The following SLC1A4 variants were observed in gnomAD, a reference collection of about 807,000 sequenced individuals.
The protein encoded by SLC1A4 is neutral amino acid transporter A.
SLC1A4 carries 19 observed loss-of-function variants against 37.7 expected under a neutral mutation model. That is an observed-to-expected ratio of 0.50 (90% CI 0.35 to 0.74). SLC1A4 has a LOEUF of 0.74. Among genes scored for constraint, SLC1A4 ranks in the 30% least tolerant of loss-of-function variants. The probability of loss-of-function intolerance (pLI) is 0.01; values close to 1 mark genes in which losing one functional copy is unlikely to be tolerated. For missense variants in SLC1A4, 570 were observed against 712.9 expected, an observed-to-expected ratio of 0.80 and a Z score of 2.28; for synonymous variants, 299 against 309.8, an observed-to-expected ratio of 0.97 and a Z score of 0.37.
In SLC1A4 at chr2:64,989,564, C is replaced by G. The variant is rs889074255; in HGVS notation, c.-80C>G. 2.3e-6 allele frequency: 3 copies of G among 1,289,478 alleles called. No homozygotes were observed. Among genetic ancestry groups the G allele is most frequent in the Non-Finnish European group, 3.0e-6 (3 of 994,986 alleles). The allele number at this position is 1,289,478 out of a possible 1,614,324, so 79.9% of individuals were successfully genotyped here. A position where few individuals can be genotyped will look rare whatever the true frequency, so the allele number is the denominator to read the frequency against. ...AACCTGCGGAGCACAACTGGCCGAC[C>G]GACCCATTCATTGGGAACCCCGTCT... On this transcript the variant is annotated 5_prime_UTR_variant, in exon 1 of 8. Coordinates refer to ENST00000234256, the MANE Select transcript of SLC1A4 (RefSeq NM_003038.5).
intron 7 of SLC1A4, among the ~76,000 whole-genome samples, chr2:65,019,930 G>A (rs531218506): frequency 2.0e-5 from 3 of 152,338 alleles, no homozygotes; most frequent in South Asian, 2.1e-4. Context: ...ACAGCAGGAC[G>A]GCACTCTGCA....
chr2:65,018,782 C>A lies in SLC1A4; in HGVS notation c.1364+103C>A. ...CATGCAGAGAAACTTCAGACACACT[C>A]CAGCCTTGTGAAGGAGGCTACAGTG... On this transcript the variant is annotated intron_variant, in intron 7 of 7. Transcript: ENST00000234256. This position sits in a 1 kb window ranked among gnomAD's most constrained non-coding sequence, Gnocchi z 4.3. The A allele has an allele frequency of 1.5e-6, 2 of 1,377,848 alleles. No homozygotes were observed. Among genetic ancestry groups the A allele is most frequent in the Non-Finnish European group, 2.0e-6 (2 of 1,002,894 alleles). 85.4% of individuals were successfully genotyped at this position (1,377,848 alleles called of 1,614,324 possible). A position where few individuals can be genotyped will look rare whatever the true frequency, so the allele number is the denominator to read the frequency against.
chr2:64,997,516 T>C (rs2103639191), intron 1 of SLC1A4, among the ~76,000 whole-genome samples: 1 of 152,312 alleles, frequency 6.6e-6, no homozygotes, highest in Middle Eastern at 3.4e-3. Flanking sequence ...TTTTTATCAC[T>C]ATAAATTAGT....
intron 5 of SLC1A4, among the ~76,000 whole-genome samples, chr2:65,017,849 T>C (rs1674219051): frequency 6.6e-6 from 1 of 152,176 alleles, no homozygotes; most frequent in Admixed American, 6.5e-5. Context: ...AATGACAGAA[T>C]AGGTAAATGA....
intron 4 of SLC1A4, among the ~76,000 whole-genome samples, chr2:65,014,462 G>A (rs978442663): frequency 2.6e-5 from 4 of 152,138 alleles, no homozygotes; most frequent in Non-Finnish European, 4.4e-5. Flanking sequence ...TGACATTTTG[G>A]GCTGATCAGT....
chr2:64,992,047 T>C (rs2268483), intron 1 of SLC1A4, among the ~76,000 whole-genome samples: 22,698 of 152,178 alleles, frequency 0.15, 1,699 homozygotes, highest in East Asian at 0.22. Flanking sequence ...TTTAGGTGAG[T>C]GCTGAAAAGA....
chr2:65,007,551 C>A (rs144982502), intron 3 of SLC1A4, among the ~76,000 whole-genome samples: 2 of 152,272 alleles, frequency 1.3e-5, no homozygotes, highest in African/African-American at 4.8e-5. Flanking sequence ...GAAAGGGAGT[C>A]ATTTCATTGG....
At chr2:65,015,828 C>T (rs550003730) in intron 4 of SLC1A4, among the ~76,000 whole-genome samples, 65 of 152,336 alleles carry the variant, frequency 4.3e-4, no homozygotes, top group African/African-American at 1.5e-3. Context: ...TTCAAAACAA[C>T]TGACTTTTGT....
Position 65,022,985 on chromosome 2 carries a change from G to A in SLC1A4, c.*1839G>A, listed in dbSNP as rs562756456. ...AGCCACACCCCCTTCTTAAAACTGG[G>A]GACATGAGCCTGAGCAGAAAGGGTG... On this transcript the variant is annotated 3_prime_UTR_variant, in exon 8 of 8. Coordinates refer to ENST00000234256, the MANE Select transcript of SLC1A4 (RefSeq NM_003038.5). The A allele has an allele frequency of 6.6e-6, 1 of 152,376 alleles. No homozygotes were observed. Among genetic ancestry groups the A allele is most frequent in the African/African-American group, 2.4e-5 (1 of 41,544 alleles). The allele number at this position is 152,376 out of a possible 1,614,324, so 9.4% of individuals were successfully genotyped here.
intron 4 of SLC1A4, among the ~76,000 whole-genome samples, chr2:65,015,213 T>C (rs1253900142): frequency 6.6e-6 from 1 of 152,150 alleles, no homozygotes; most frequent in African/African-American, 2.4e-5. Flanking sequence ...ATTTCAAAGT[T>C]TGGGATGATG....
chr2:64,991,793 G>T (rs1231493334), intron 1 of SLC1A4, among the ~76,000 whole-genome samples: 4 of 152,114 alleles, frequency 2.6e-5, no homozygotes, highest in Admixed American at 2.6e-4. Context: ...AGTAGAGACG[G>T]GGTTTCACCA....
chr2:65,018,001 T>G lies in SLC1A4; in HGVS notation c.1035-70T>G. Reference sequence around the variant, plus strand: ...GTGCTAATTGCTCTGTTCTGGGGTCTGAGACAAGACACATGTTAGCCTGCC... The same window carrying G: ...GTGCTAATTGCTCTGTTCTGGGGTCGGAGACAAGACACATGTTAGCCTGCC... On this transcript the variant is annotated intron_variant, in intron 5 of 7. Transcript: ENST00000234256. This position sits in a 1 kb window ranked among gnomAD's most constrained non-coding sequence, Gnocchi z 4.3. 1.4e-6 allele frequency: 2 copies of G among 1,395,306 alleles called. No individual in the cohort carries two copies. Among genetic ancestry groups the G allele is most frequent in the Non-Finnish European group, 2.0e-6 (2 of 996,148 alleles). The allele number at this position is 1,395,306 out of a possible 1,614,324, so 86.4% of individuals were successfully genotyped here. A position where few individuals can be genotyped will look rare whatever the true frequency, so the allele number is the denominator to read the frequency against.
intron 4 of SLC1A4, among the ~76,000 whole-genome samples, chr2:65,012,372 A>C (rs1244334709): frequency 6.6e-6 from 1 of 152,174 alleles, no homozygotes; most frequent in East Asian, 1.9e-4. Context: ...TACAGGCATG[A>C]GCCACCGCGC....
At position 65,018,402 on chromosome 2, in the gene SLC1A4, G is replaced by A. The variant is rs187946812; in HGVS notation, c.1229+137G>A. The A allele has an allele frequency of 7.2e-7, 1 of 1,384,066 alleles. No individual in the cohort carries two copies. Among genetic ancestry groups the A allele is most frequent in the South Asian group, 1.3e-5 (1 of 74,430 alleles). 85.7% of individuals were successfully genotyped at this position (1,384,066 alleles called of 1,614,324 possible). A position where few individuals can be genotyped will look rare whatever the true frequency, so the allele number is the denominator to read the frequency against. ...GGGATTCATTACTTGAAGAGCGTGT[G>A]TTGACTCTCAAGGGCGTAGCCAGCA... is the stretch of plus-strand genomic sequence containing the variant. On this transcript the variant is annotated intron_variant, in intron 6 of 7. Transcript: ENST00000234256. This position sits in a 1 kb window ranked among gnomAD's most constrained non-coding sequence, Gnocchi z 4.3.
chr2:65,002,858 G>A (rs938128956), intron 2 of SLC1A4, among the ~76,000 whole-genome samples: 2 of 152,270 alleles, frequency 1.3e-5, no homozygotes, highest in East Asian at 1.9e-4. Context: ...TTACAGGCGT[G>A]AGCCACTGTG....
chr2:65,011,030 C>T (rs978340830), intron 4 of SLC1A4, among the ~76,000 whole-genome samples: 2 of 152,286 alleles, frequency 1.3e-5, no homozygotes, highest in Non-Finnish European at 1.5e-5. Context: ...TTTCCATCAC[C>T]GGGATCTGTT....
At chr2:65,003,445 C>G (rs1673554523) in intron 2 of SLC1A4, among the ~76,000 whole-genome samples, 1 of 152,182 alleles carries the variant, frequency 6.6e-6, no homozygotes, top group Admixed American at 6.5e-5. Context: ...GCCTCACATC[C>G]CTGGCTTTCA....
chr2:65,005,688 C>A lies in SLC1A4; in HGVS notation c.633+1673C>A, dbSNP rs1302323471. ...CCAAGGTTGATCAAGGCCATTTTGA[C>A]CAGTTTAAAAAAAACTAATTGTTGC... On this transcript the variant is annotated intron_variant, in intron 3 of 7. Transcript: ENST00000234256. Among the ~76,000 whole-genome samples the A allele has an allele frequency of 2.1e-5, 3 of 141,468 alleles. No homozygotes were observed. The East Asian group carries it at 8.3e-4, about 39-fold the overall frequency. 92.8% of individuals were successfully genotyped at this position (141,468 alleles called of 152,430 possible). A position where few individuals can be genotyped will look rare whatever the true frequency, so the allele number is the denominator to read the frequency against.
intron 3 of SLC1A4, among the ~76,000 whole-genome samples, chr2:65,007,286 GTGTC>G (rs1021678396): frequency 9.0e-5 from 13 of 144,010 alleles, no homozygotes; most frequent in Admixed American, 4.2e-4. Flanking sequence ...GTGTGTGTGT[GTGTC>G]TGTGGTGATG....
Sources: gnomAD v4.1 joint callset for allele counts (sites outside exome capture counted in the v4.1 genomes callset) on GRCh38, gnomAD v4.1.1 for gene constraint, Gnocchi (gnomAD v3.1) non-coding constraint, MANE v1.5 for transcripts, NCBI Gene and HGNC (gene_info 2026-07-23, HGNC 2026-07-21) for gene names.